Variants in CIT observed in about 807,000 individuals in gnomAD.
The protein encoded by CIT is citron rho-interacting serine/threonine kinase, also known as citron Rho-interacting kinase.
In CIT, 79 loss-of-function variants were observed where a neutral mutation model predicts 272.7. The ratio of observed to expected loss-of-function variants is 0.29; its 90% CI spans 0.24 to 0.35. CIT has a LOEUF of 0.35. Ranked by LOEUF, CIT falls within the 10% of genes least tolerant of loss-of-function variation. The probability of loss-of-function intolerance (pLI) is 1.00; values close to 1 mark genes in which losing one functional copy is unlikely to be tolerated. For missense variants in CIT, 1,909 were observed against 2,618.3 expected (o/e 0.73, Z 5.91); for synonymous variants, 948 against 995.6 (o/e 0.95, Z 0.90).
chr12:119,868,678 C>T (rs758428373), intron 3 of CIT, among the ~76,000 whole-genome samples: 14 of 152,174 alleles, frequency 9.2e-5, no homozygotes, highest in African/African-American at 2.4e-4. Flanking sequence ...GCTGGGACCA[C>T]GGGTGCAAGC....
chr12:119,876,034 C>T (rs775295085), intron 2 of CIT, 39 bp downstream of exon 2: 1 of 1,248,034 alleles, frequency 8.0e-7, no homozygotes, highest in Non-Finnish European at 1.2e-6. Context: ...ATTCCAAGGA[C>T]ACACACAGGT....
chr12:119,822,456 A>C (rs1007510630), intron 9 of CIT, among the ~76,000 whole-genome samples: 1 of 152,196 alleles, frequency 6.6e-6, no homozygotes, highest in African/African-American at 2.4e-5. Context: ...CATGTTGCCT[A>C]ATCTGAGTCT....
intron 9 of CIT, among the ~76,000 whole-genome samples, chr12:119,820,455 C>G (rs1232993817): frequency 6.6e-6 from 1 of 152,004 alleles, no homozygotes; most frequent in East Asian, 1.9e-4. Context: ...GAGGCTGAGG[C>G]AGAAGAATCA....
chr12:119,699,628 C>T (rs1265970744), intron 44 of CIT: 4 of 355,654 alleles, frequency 1.1e-5, no homozygotes, highest in African/African-American at 6.4e-5. Context: ...ACAAGGCCTC[C>T]AGCCACCAGC....
At position 119,687,891 on chromosome 12, in the gene CIT, ATGT is replaced by A. The variant is rs1247156483; in HGVS notation, c.*338_*340del. 3.3e-6 allele frequency: 1 copy of A among 301,418 alleles called. No homozygotes were observed. Among genetic ancestry groups the A allele is most frequent in the Non-Finnish European group, 6.0e-6 (1 of 165,300 alleles). The allele number at this position is 301,418 out of a possible 1,614,324, so 18.7% of individuals were successfully genotyped here. A position where few individuals can be genotyped will look rare whatever the true frequency, so the allele number is the denominator to read the frequency against. The stretch of plus-strand genomic sequence containing the variant: ...AAAGTAGCTAATTAGGATTCTAACC[ATGT>A]TGTAGTTAGCATCCCGGTTGGTTTC... On this transcript the variant is annotated 3_prime_UTR_variant, in exon 48 of 48. Coordinates refer to ENST00000392521, the MANE Select transcript of CIT (RefSeq NM_001206999.2).
At chr12:119,724,930 C>CAA (rs35757526) in intron 28 of CIT, among the ~76,000 whole-genome samples, 936 of 44,488 alleles carry the variant, frequency 0.021, 164 homozygotes, top group Non-Finnish European at 0.026. Context: ...GACTCCATCT[C>CAA]AAAAAAAAAA....
At chr12:119,778,009 A>G (rs1013906861) in intron 13 of CIT, among the ~76,000 whole-genome samples, 3 of 152,216 alleles carry the variant, frequency 2.0e-5, no homozygotes, top group African/African-American at 7.2e-5. Flanking sequence ...GAAACTCATC[A>G]TGTCAGTTTC....
chr12:119,817,878 C>A (rs1967344803), intron 9 of CIT, among the ~76,000 whole-genome samples: 1 of 151,210 alleles, frequency 6.6e-6, no homozygotes, highest in Non-Finnish European at 1.5e-5. Flanking sequence ...AGTTTGAGAC[C>A]AGCCTGGGCA....
rs1160517234 is a variant in CIT at position 119,713,162 on chromosome 12, T to C, written c.4579+41A>G. ...GCGCCAGCACTGGGGAGACCTGGGT[T>C]AGCCACGTGCAATGACCTTCCCCCT... On this transcript the variant is annotated intron_variant, in intron 35 of 47. Transcript: ENST00000392521. This position sits in a 1 kb window ranked among gnomAD's most constrained non-coding sequence, Gnocchi z 5.2. 11 of 1,502,374 alleles carry C rather than the reference T, an allele frequency of 7.3e-6. No individual in the cohort carries two copies. Among genetic ancestry groups the C allele is most frequent in the Non-Finnish European group, 1.0e-5 (11 of 1,082,728 alleles). The allele number at this position is 1,502,374 out of a possible 1,614,324, so 93.1% of individuals were successfully genotyped here.
chr12:119,774,409 C>T (rs1963525683), intron 16 of CIT, among the ~76,000 whole-genome samples: 1 of 152,184 alleles, frequency 6.6e-6, no homozygotes, highest in South Asian at 2.1e-4. Flanking sequence ...CAACCACATT[C>T]ATTCTGGCCC....
intron 32 of CIT, among the ~76,000 whole-genome samples, chr12:119,714,825 T>C (rs1957360998): frequency 6.6e-6 from 1 of 152,228 alleles, no homozygotes; most frequent in Non-Finnish European, 1.5e-5. Context: ...ATTCCGCTCC[T>C]GGCTATATAT....
chr12:119,721,366 C>T lies in CIT; in HGVS notation c.3675G>A (p.Arg1225=). 1 of 1,611,806 alleles carries T rather than the reference C, an allele frequency of 6.2e-7. No homozygotes were observed. The highest frequency in any genetic ancestry group is 1.1e-5 in the South Asian group (1 of 90,974). ...TTCTTTCTGTCTTCAGTAGATCAGC[C>T]CGATCTAGAGCTTCTTGCAGTCCTT... is the stretch of plus-strand genomic sequence containing the variant. ...LTQGLQEALD[R]ADLLKTERSD... Residue 1225 remains arginine (R), a synonymous_variant, in exon 29 of 48, where the codon CGG becomes CGA. Transcript: ENST00000392521.
At chr12:119,752,976 A>T (rs1960451268) in intron 22 of CIT, among the ~76,000 whole-genome samples, 1 of 152,310 alleles carries the variant, frequency 6.6e-6, no homozygotes, top group Middle Eastern at 3.4e-3. Context: ...TAGAGGAGCT[A>T]ACTCTGGATC....
intron 28 of CIT, among the ~76,000 whole-genome samples, chr12:119,725,722 T>A (rs1180250647): frequency 1.3e-5 from 2 of 152,216 alleles, no homozygotes; most frequent in Non-Finnish European, 2.9e-5. Context: ...TGAATTGGGA[T>A]CCCGGCACTC....
At chr12:119,823,699 C>T (rs1466971214) in intron 8 of CIT, among the ~76,000 whole-genome samples, 1 of 152,120 alleles carries the variant, frequency 6.6e-6, no homozygotes. Context: ...CGTTCCTTTT[C>T]CTTTTGGTTG....
chr12:119,789,872 ATT>A (rs772395022), intron 10 of CIT, among the ~76,000 whole-genome samples: 18 of 141,604 alleles, frequency 1.3e-4, no homozygotes, highest in Non-Finnish European at 1.6e-4. Flanking sequence ...CGCCCAGCAA[ATT>A]TTTTTTTTTT....
chr12:119,709,799 T>A (rs879665245), intron 39 of CIT, among the ~76,000 whole-genome samples: 41,094 of 117,012 alleles, frequency 0.35, 6,360 homozygotes, highest in African/African-American at 0.46. Context: ...TGTGTGTGTG[T>A]GTGTGTGTGT....
chr12:119,752,245 G>T lies in CIT; in HGVS notation c.2709C>A (p.Val903=). 1 of 1,600,800 alleles carries T rather than the reference G, an allele frequency of 6.2e-7. No homozygotes were observed. Among genetic ancestry groups the T allele is most frequent in the South Asian group, 1.1e-5 (1 of 90,584 alleles). The change falls in exon 23 of 48, where the codon GTC becomes GTA. Residue 903 remains valine, a splice_region_variant and synonymous_variant. Coordinates refer to ENST00000392521, the MANE Select transcript of CIT (RefSeq NM_001206999.2). ...GTTTCTGCTCCTCGTGCTCTAGACT[G>T]ACCTGAGACAGAGAGAGAGAGAGAA... ...LLELETRLRE[V]SLEHEEQKLE... is the part of the protein sequence containing the mutation.
Position 119,784,278 on chromosome 12 carries a change from A to C in CIT, c.1402-227T>G. 1 of 1,560,922 alleles carries C rather than the reference A, an allele frequency of 6.4e-7. No individual in the cohort carries two copies. The highest frequency in any genetic ancestry group is 8.7e-7 in the Non-Finnish European group (1 of 1,147,898). The stretch of plus-strand genomic sequence containing the variant: ...TCCTCTCATTCAAGTCCCGGTTCAC[A>C]CTTGATCACTTCTCTAACCCAGTTA... On this transcript the variant is annotated intron_variant, in intron 11 of 47. Coordinates refer to ENST00000392521, the MANE Select transcript of CIT (RefSeq NM_001206999.2). This position sits in a 1 kb window ranked among gnomAD's most constrained non-coding sequence, Gnocchi z 4.7.
Sources: allele counts gnomAD v4.1 joint callset (sites outside exome capture counted in the v4.1 genomes callset), GRCh38; gene constraint gnomAD v4.1.1; non-coding constraint Gnocchi (gnomAD v3.1); transcripts MANE v1.5; gene names NCBI Gene and HGNC (gene_info 2026-07-23, HGNC 2026-07-21).